The following ITGA11 variants were observed in gnomAD, a reference collection of about 807,000 sequenced individuals.
The protein encoded by ITGA11 is integrin alpha-11.
Under a neutral mutation model 141.9 loss-of-function variants are expected in ITGA11, and 97 were observed. The ratio of observed to expected loss-of-function variants is 0.68; its 90% CI spans 0.58 to 0.81. The LOEUF (loss-of-function observed/expected upper bound fraction) is 0.81. Among genes scored for constraint, ITGA11 ranks in the 30% least tolerant of loss-of-function variants. The pLI, the probability that ITGA11 is intolerant of heterozygous loss-of-function variation, is 0.00. For missense variants in ITGA11, 1,387 were observed against 1,559.2 expected (o/e 0.89, Z 1.86); for synonymous variants, 658 against 624.6 (o/e 1.05, Z -0.80).
rs75664900 is a variant in ITGA11 at position 68,387,786 on chromosome 15, C to T, written c.164+15132G>A. Among the ~76,000 whole-genome samples the T allele has an allele frequency of 4.1e-3, 618 of 152,242 alleles. 27 individuals are homozygous for T. In the East Asian group the frequency reaches 0.09, roughly 22 times the overall value. ...TCCCTCCTAGAGCTGGAAGTCCTTA[C>T]GATGCTGCACCCACCTTCGTCTTCC... On this transcript the variant is annotated intron_variant, in intron 2 of 29. Coordinates refer to ENST00000315757, the MANE Select transcript of ITGA11 (RefSeq NM_001004439.2).
chr15:68,307,751 C>T lies in ITGA11; in HGVS notation c.3175-55G>A. 1 of 1,223,882 alleles carries T rather than the reference C, an allele frequency of 8.2e-7. No individual in the cohort carries two copies. Among genetic ancestry groups the T allele is most frequent in the Non-Finnish European group, 1.2e-6 (1 of 835,994 alleles). 75.8% of individuals were successfully genotyped at this position (1,223,882 alleles called of 1,614,324 possible). On this transcript the variant is annotated intron_variant, in intron 26 of 29. Coordinates refer to ENST00000315757, the MANE Select transcript of ITGA11 (RefSeq NM_001004439.2). This position sits in a 1 kb window ranked among gnomAD's most constrained non-coding sequence, Gnocchi z 6.1. ...GCTGCTGGGCTAGGGGAGCAGGGGG[C>T]AGCAACACTGCTTGAACGACTGGGG...
chr15:68,417,790 C>G (rs1247256738), intron 1 of ITGA11, among the ~76,000 whole-genome samples: 2 of 152,230 alleles, frequency 1.3e-5, no homozygotes, highest in Non-Finnish European at 2.9e-5. Context: ...AAGAACTTTT[C>G]TCAGCTGGCT....
intron 2 of ITGA11, among the ~76,000 whole-genome samples, chr15:68,392,496 T>C (rs1306352026): frequency 6.6e-6 from 1 of 152,098 alleles, no homozygotes; most frequent in Non-Finnish European, 1.5e-5. Flanking sequence ...CAAAGATGAC[T>C]AGGATTTGGG....
chr15:68,326,844 A>G lies in ITGA11; in HGVS notation c.2069-48T>C, dbSNP rs1258990220. On this transcript the variant is annotated intron_variant, in intron 16 of 29. Coordinates refer to ENST00000315757, the MANE Select transcript of ITGA11 (RefSeq NM_001004439.2). The surrounding 1 kb of genome is among the most constrained non-coding windows in gnomAD (Gnocchi z 6.8). The stretch of plus-strand genomic sequence containing the variant: ...ACCACAAAGGTGGAGCCACATGCCC[A>G]TCCAAGACTGTCTGCCTCCTCCAGG... 2.0e-6 allele frequency: 3 copies of G among 1,533,602 alleles called. No homozygotes were observed. The highest frequency in any genetic ancestry group is 4.0e-5 in the Admixed American group (2 of 50,128). The allele number at this position is 1,533,602 out of a possible 1,614,324, so 95.0% of individuals were successfully genotyped here.
chr15:68,366,451 G>T (rs1227106528), intron 3 of ITGA11, among the ~76,000 whole-genome samples: 1 of 152,120 alleles, frequency 6.6e-6, no homozygotes, highest in African/African-American at 2.4e-5. Context: ...GTGGCAGTGG[G>T]AACTAGAGGG....
intron 21 of ITGA11, 86 bp from the exon 22 acceptor site, chr15:68,315,813 G>A (rs1030988181): frequency 9.6e-6 from 11 of 1,150,804 alleles, no homozygotes; most frequent in Admixed American, 2.6e-5. Context: ...CCCCCTGCTG[G>A]CTTGGGGAGA....
intron 20 of ITGA11, among the ~76,000 whole-genome samples, chr15:68,318,926 G>T (rs1027093246): frequency 1.3e-5 from 2 of 152,204 alleles, no homozygotes; most frequent in South Asian, 2.1e-4. Flanking sequence ...CAACAAACTT[G>T]TCTTGAGGGC....
chr15:68,349,096 G>A (rs1459055581), intron 9 of ITGA11, among the ~76,000 whole-genome samples, 196 bp from the exon 10 acceptor site: 2 of 152,208 alleles, frequency 1.3e-5, no homozygotes, highest in Admixed American at 6.5e-5. Flanking sequence ...GTGCAGTGGG[G>A]GGCACCACAC....
At chr15:68,429,941 C>T (rs1830650403) in intron 1 of ITGA11, among the ~76,000 whole-genome samples, 1 of 152,142 alleles carries the variant, frequency 6.6e-6, no homozygotes, top group Admixed American at 6.5e-5. Context: ...GTTTGAACAC[C>T]CAGCCCTTGG....
intron 22 of ITGA11, among the ~76,000 whole-genome samples, chr15:68,315,336 C>T (rs1483372174): frequency 6.6e-6 from 1 of 152,202 alleles, no homozygotes; most frequent in African/African-American, 2.4e-5. Context: ...AGATTTTTGC[C>T]TGTACAATGC....
intron 5 of ITGA11, 91 bp from the exon 6 acceptor site, chr15:68,358,676 G>T (rs886517796): frequency 1.5e-6 from 2 of 1,355,110 alleles, no homozygotes; most frequent in South Asian, 1.5e-5. Context: ...ACAAATGAAT[G>T]ACTCTGCTCC....
intron 2 of ITGA11, among the ~76,000 whole-genome samples, chr15:68,373,131 C>T (rs1895638558): frequency 6.6e-6 from 1 of 152,146 alleles, no homozygotes; most frequent in African/African-American, 2.4e-5. Context: ...CCTTTAAAAT[C>T]CAGCATAAAT....
chr15:68,357,295 C>A lies in ITGA11; in HGVS notation c.605G>T (p.Gly202Val), dbSNP rs1332336651. 1 of 1,612,418 alleles carries A rather than the reference C, an allele frequency of 6.2e-7. No individual in the cohort carries two copies. The highest frequency in any genetic ancestry group is 1.1e-5 in the South Asian group (1 of 90,540). ...FYIGPGQIQV[G>V]VVQYGEDVVH... The stretch of plus-strand genomic sequence containing the variant: ...CACATCTTCGCCATACTGCACAACT[C>A]CAACCTGCAAGGGAGAGGAGAGGGC... The change falls in exon 7 of 30, where the codon GGA becomes GTA. Residue 202 changes from glycine (G) to valine (V), a missense_variant. Transcript: ENST00000315757.
intron 2 of ITGA11, among the ~76,000 whole-genome samples, chr15:68,398,611 TATAA>T (rs1896384068): frequency 1.4e-5 from 2 of 146,638 alleles, no homozygotes. Context: ...TAAATATAAG[TATAA>T]ATATTTTTAT....
chr15:68,373,271 C>G (rs145303853), intron 2 of ITGA11, among the ~76,000 whole-genome samples: 132 of 152,290 alleles, frequency 8.7e-4, no homozygotes, highest in African/African-American at 3.0e-3. Flanking sequence ...ATGTCCTGGA[C>G]TGCCCTACTG....
At chr15:68,327,687 G>C (rs1353691575) in intron 16 of ITGA11, among the ~76,000 whole-genome samples, 2 of 152,086 alleles carry the variant, frequency 1.3e-5, no homozygotes, top group African/African-American at 4.8e-5. Flanking sequence ...TCTGAGCGGG[G>C]CTCCCTGCTG....
intron 15 of ITGA11, among the ~76,000 whole-genome samples, chr15:68,330,196 T>C (rs976937580): frequency 6.6e-6 from 1 of 152,202 alleles, no homozygotes; most frequent in Non-Finnish European, 1.5e-5. Context: ...CCCCCTTGGG[T>C]TGTAGTATTC....
At chr15:68,377,216 G>T (rs1895750435) in intron 2 of ITGA11, among the ~76,000 whole-genome samples, 1 of 152,112 alleles carries the variant, frequency 6.6e-6, no homozygotes, top group East Asian at 1.9e-4. Context: ...GTGTATTAAA[G>T]GTAAAATACA....
intron 18 of ITGA11, among the ~76,000 whole-genome samples, chr15:68,323,931 G>C (rs1893888372): frequency 6.6e-6 from 1 of 152,318 alleles, no homozygotes; most frequent in East Asian, 1.9e-4. Flanking sequence ...GTCGGTGTCA[G>C]AGCAGGGATT....
Sources: gnomAD v4.1 joint callset for allele counts (sites outside exome capture counted in the v4.1 genomes callset) on GRCh38, gnomAD v4.1.1 for gene constraint, Gnocchi (gnomAD v3.1) non-coding constraint, MANE v1.5 for transcripts, NCBI Gene and HGNC (gene_info 2026-07-23, HGNC 2026-07-21) for gene names.